The following UTY variants were observed in gnomAD, a reference collection of about 807,000 sequenced individuals.
The protein encoded by UTY is ubiquitously transcribed tetratricopeptide repeat containing, Y-linked.
Under a neutral mutation model 32.5 loss-of-function variants are expected in UTY, and 12 were observed. The ratio of observed to expected loss-of-function variants is 0.37; its 90% CI spans 0.24 to 0.60. The LOEUF (loss-of-function observed/expected upper bound fraction) is 0.60. UTY is among the 20% of genes least tolerant of loss of function. UTY has a pLI of 0.69. For missense variants in UTY, 303 were observed against 299.2 expected (o/e 1.01, Z -0.09); for synonymous variants, 131 against 103.4 (o/e 1.27, Z -1.62).
intron 5 of UTY, among the ~76,000 whole-genome samples, chrY:13,413,687 C>T: frequency 2.9e-5 from 1 of 34,924 alleles, no homozygotes; most frequent in Non-Finnish European, 7.3e-5. Flanking sequence ...AGGCGGAAGC[C>T]GCTGAAGGCA....
intron 21 of UTY, among the ~76,000 whole-genome samples, chrY:13,321,195 A>G: frequency 3.0e-5 from 1 of 33,608 alleles, no homozygotes; most frequent in African/African-American, 1.2e-4. Context: ...AATAGAATAA[A>G]GAAAATAGAT....
chrY:13,396,951 C>G lies in UTY; in HGVS notation c.577G>C (p.Asp193His). The G allele has an allele frequency of 2.7e-6, 1 of 368,841 alleles. No individual in the cohort carries two copies. The highest frequency in any genetic ancestry group is 3.7e-6 in the Non-Finnish European group (1 of 267,373). 92.0% of individuals were successfully genotyped at this position (368,841 alleles called of 400,897 possible). Residue 193 changes from aspartate (D) to histidine (H), a missense_variant, in exon 7 of 30, where the codon GAC (aspartate) becomes CAC (histidine). Physicochemically the swap from Asp to His is moderately conservative, Grantham distance 81. Transcript: ENST00000545955. ...SLKHFQLALI[D>H]CNPCTLSNAE... ...TTGGACAAAGTACATGGATTACAGTCAATCAAGGCTAACTGAAAATGCTGC... is the reference window on the plus strand; with the variant it reads ...TTGGACAAAGTACATGGATTACAGTGAATCAAGGCTAACTGAAAATGCTGC...
intron 8 of UTY, among the ~76,000 whole-genome samples, chrY:13,383,448 G>T: frequency 3.3e-5 from 1 of 30,712 alleles, no homozygotes; most frequent in Non-Finnish European, 7.8e-5. Context: ...CAAAAAATTA[G>T]CTGGGCATGG....
At chrY:13,349,671 C>G (rs2062197739) in intron 17 of UTY, among the ~76,000 whole-genome samples, 1 of 32,482 alleles carries the variant, frequency 3.1e-5, no homozygotes, top group Non-Finnish European at 7.5e-5. Flanking sequence ...ACCACAGACC[C>G]AGAAAACTTA....
intron 27 of UTY, among the ~76,000 whole-genome samples, chrY:13,296,550 CT>C (rs2058045609): frequency 3.0e-5 from 1 of 32,918 alleles, no homozygotes; most frequent in Non-Finnish European, 7.4e-5. Flanking sequence ...TAATTTCCAC[CT>C]TTAGTTCATT....
intron 27 of UTY, among the ~76,000 whole-genome samples, chrY:13,284,192 C>T: frequency 6.0e-5 from 2 of 33,418 alleles, no homozygotes; most frequent in African/African-American, 2.3e-4. Flanking sequence ...AGTAATAAGG[C>T]CTCCTGAGTA....
chrY:13,414,091 T>C, intron 5 of UTY, among the ~76,000 whole-genome samples: 1 of 33,923 alleles, frequency 2.9e-5, no homozygotes, highest in African/African-American at 1.2e-4. Flanking sequence ...ATGCAGAAAA[T>C]ATGCATTTTT....
chrY:13,451,561 G>A, intron 3 of UTY, among the ~76,000 whole-genome samples: 1 of 33,247 alleles, frequency 3.0e-5, no homozygotes, highest in Non-Finnish European at 7.4e-5. Context: ...GAATGAAGGA[G>A]GGCAGGGTGG....
chrY:13,355,230 G>A lies in UTY; in HGVS notation c.1834C>T (p.Leu612Phe). ...PGVRPACVEK[L>F]LSSGAFSAGC... ...GCAGAAAAAGCTCCACTGGACAAAA[G>A]TTTTTCAACACAAGCAGGGCGAACT... Residue 612 changes from leucine to phenylalanine, a missense_variant, in exon 17 of 30, where the codon CTT becomes TTT. By Grantham distance (22) the Leu-to-Phe change is conservative. Coordinates refer to ENST00000545955, the MANE Select transcript of UTY (RefSeq NM_001258249.2). The A allele has an allele frequency of 2.5e-6, 1 of 396,530 alleles. No individual in the cohort carries two copies. Among genetic ancestry groups the A allele is most frequent in the Non-Finnish European group, 3.5e-6 (1 of 282,203 alleles).
At chrY:13,347,755 G>A (rs2062048720) in intron 17 of UTY, among the ~76,000 whole-genome samples, 1 of 31,552 alleles carries the variant, frequency 3.2e-5, no homozygotes, top group Non-Finnish European at 7.7e-5. Context: ...CCCTTTGTTC[G>A]GGACTCAGAT....
At chrY:13,240,334 A>G (rs1045214819) in intron 28 of UTY, among the ~76,000 whole-genome samples, 55 of 33,241 alleles carry the variant, frequency 1.7e-3, no homozygotes, top group Admixed American at 6.0e-3. Context: ...GCAAGAAGAA[A>G]TAACAGTTCC....
At chrY:13,398,437 C>CTT (rs2068531359) in intron 6 of UTY, among the ~76,000 whole-genome samples, 1 of 32,982 alleles carries the variant, frequency 3.0e-5, no homozygotes, top group Non-Finnish European at 7.5e-5. Flanking sequence ...GGATCAGAGA[C>CTT]GTAAACTTAA....
chrY:13,480,084 T>C, upstream of UTY: 1 of 62,345 alleles, frequency 1.6e-5, no homozygotes, highest in Non-Finnish European at 3.6e-5. Context: ...TGCTCCACTG[T>C]ACTCCTAGGC....
At position 13,335,598 on chromosome Y, in the gene UTY, T is replaced by C; in HGVS notation, c.2799A>G (p.Ile933Met). 2.5e-6 allele frequency: 1 copy of C among 396,848 alleles called. No individual in the cohort carries two copies. Among genetic ancestry groups the C allele is most frequent in the African/African-American group, 6.4e-5 (1 of 15,590 alleles). Residue 933 changes from isoleucine to methionine, a missense_variant, in exon 18 of 30, where the codon ATA becomes ATG. Physicochemically the swap from Ile to Met is conservative, Grantham distance 10 (BLOSUM62 1). Coordinates refer to ENST00000545955, the MANE Select transcript of UTY (RefSeq NM_001258249.2). ...SQILPSMSVSICPSSTEVLKA... is the reference protein window; with the variant it reads ...SQILPSMSVSMCPSSTEVLKA... ...TCAGAACTTCTGTTGAACTGGGGCATATAGACACTGACATTGATGGTAAGA... is the reference window on the plus strand; with the variant it reads ...TCAGAACTTCTGTTGAACTGGGGCACATAGACACTGACATTGATGGTAAGA...
chrY:13,417,017 T>C (rs2071771094), intron 4 of UTY, among the ~76,000 whole-genome samples: 1 of 33,919 alleles, frequency 2.9e-5, no homozygotes, highest in African/African-American at 1.2e-4. Context: ...ACACAAGCTT[T>C]TGCCTACCAC....
chrY:13,315,770 C>T (rs756147232), intron 21 of UTY, among the ~76,000 whole-genome samples: 14 of 32,663 alleles, frequency 4.3e-4, no homozygotes, highest in Admixed American at 3.3e-3. Context: ...CCCCACTGCT[C>T]ACCGAGATAA....
At chrY:13,326,738 G>A in intron 18 of UTY, among the ~76,000 whole-genome samples, 3 of 33,860 alleles carry the variant, frequency 8.9e-5, no homozygotes, top group South Asian at 6.3e-4. Context: ...AGTGATTTAC[G>A]TATCCTTAAT....
At chrY:13,429,402 T>G in intron 4 of UTY, among the ~76,000 whole-genome samples, 1 of 32,967 alleles carries the variant, frequency 3.0e-5, no homozygotes, top group Non-Finnish European at 7.4e-5. Context: ...ATTGAGGGCT[T>G]TTTCTACATT....
intron 3 of UTY, among the ~76,000 whole-genome samples, chrY:13,464,980 A>C (rs2077774462): frequency 3.1e-5 from 1 of 32,700 alleles, no homozygotes; most frequent in African/African-American, 1.2e-4. Context: ...TGGGAGGCTG[A>C]GGCAGGAGGC....
Sources: allele counts gnomAD v4.1 joint callset (sites outside exome capture counted in the v4.1 genomes callset), GRCh38; gene constraint gnomAD v4.1.1; transcripts MANE v1.5; gene names NCBI Gene and HGNC (gene_info 2026-07-23, HGNC 2026-07-21).